RPL29: variants seen among roughly 807,000 people sequenced by gnomAD.
RPL29 encodes the protein ribosomal protein L29, also known as large ribosomal subunit protein eL29.
RPL29 carries 4 observed loss-of-function variants against 7.2 expected under a neutral mutation model. That is an observed-to-expected ratio of 0.55 (90% CI 0.27 to 1.26). The LOEUF (loss-of-function observed/expected upper bound fraction) is 1.26. Among genes scored for constraint, RPL29 ranks in the 50% most tolerant of loss-of-function variants. RPL29 has a pLI of 0.11. For missense variants in RPL29, 148 were observed against 209.1 expected (o/e 0.71, Z 1.80); for synonymous variants, 73 against 72.8 (o/e 1.00, Z -0.01).
chr3:51,995,236 C>T, intron 2 of RPL29, 130 bp from the exon 3 acceptor site: 2 of 991,050 alleles, frequency 2.0e-6, no homozygotes, highest in Non-Finnish European at 3.1e-6. Flanking sequence ...ATGGGAAACC[C>T]TTACTACTAA....
intron 3 of RPL29, 41 bp from the exon 4 acceptor site, chr3:51,994,167 C>G (rs1329856069): frequency 6.5e-7 from 1 of 1,549,874 alleles, no homozygotes. Context: ...ATGTGGGTCC[C>G]CAAGTCTCTC....
Position 51,995,893 on chromosome 3 carries a change from G to A in RPL29, c.-45C>T, listed in dbSNP as rs923370415. ...GCTCCCGAAGCGCCTAGAACCGGAA[G>A]AGAAAGGGGCTGCGGTGCAGCACGG... On this transcript the variant is annotated 5_prime_UTR_variant, in exon 1 of 4. Coordinates refer to ENST00000294189, the MANE Select transcript of RPL29 (RefSeq NM_000992.3). 3 of 203,330 alleles carry A rather than the reference G, an allele frequency of 1.5e-5. No individual in the cohort carries two copies. Among genetic ancestry groups the A allele is most frequent in the East Asian group, 1.4e-4 (1 of 7,338 alleles). 12.6% of individuals were successfully genotyped at this position (203,330 alleles called of 1,614,324 possible). A position where few individuals can be genotyped will look rare whatever the true frequency, so the allele number is the denominator to read the frequency against.
chr3:51,993,745 A>G lies in RPL29; in HGVS notation c.*4T>C, dbSNP rs769577169. The G allele has an allele frequency of 1.3e-6, 2 of 1,579,638 alleles. No homozygotes were observed. Among genetic ancestry groups the G allele is most frequent in the East Asian group, 2.2e-5 (1 of 44,610 alleles). On this transcript the variant is annotated 3_prime_UTR_variant, in exon 4 of 4. Transcript: ENST00000294189. ...TCCTTCTGTCCTCATGTTGGCAGAG[A>G]TATCTACTCTGAAGCCTTTGTAGGG...
intron 3 of RPL29, chr3:51,994,385 G>A: frequency 2.1e-6 from 1 of 468,000 alleles, no homozygotes; most frequent in Non-Finnish European, 3.7e-6. Flanking sequence ...TGCCAAGGTT[G>A]TGGGGCTTCA....
At chr3:51,994,202 AC>A in intron 3 of RPL29, 76 bp from the exon 4 acceptor site, 1 of 1,491,022 alleles carries the variant, frequency 6.7e-7, no homozygotes, top group Non-Finnish European at 8.9e-7. Flanking sequence ...CCATAGGGGT[AC>A]CCAGCATTCT....
Position 51,994,984 on chromosome 3 carries a change from C to A in RPL29, c.102+58G>T, listed in dbSNP as rs1263095958. 4 of 1,437,246 alleles carry A rather than the reference C, an allele frequency of 2.8e-6. No homozygotes were observed. The African/African-American group carries it at 4.2e-5, about 15-fold the overall frequency. The allele number at this position is 1,437,246 out of a possible 1,614,324, so 89.0% of individuals were successfully genotyped here. On this transcript the variant is annotated intron_variant, in intron 3 of 3. Transcript: ENST00000294189. The stretch of plus-strand genomic sequence containing the variant: ...AGCTAGAGAAAAACTACATGAGAGG[C>A]CTTGACTGTGCACCTGGAACCAAGA...
intron 3 of RPL29, chr3:51,994,540 C>CCGTA: frequency 2.9e-6 from 1 of 347,914 alleles, no homozygotes; most frequent in Non-Finnish European, 5.3e-6. Flanking sequence ...GAAACTGAGG[C>CCGTA]TCAGAGTTTG....
chr3:51,995,541 T>C, intron 1 of RPL29, 72 bp from the exon 2 acceptor site: 2 of 1,424,454 alleles, frequency 1.4e-6, no homozygotes, highest in Non-Finnish European at 2.0e-6. Context: ...CCCATTCTGG[T>C]CAGAATGAGC....
In RPL29 at chr3:51,993,978, T is replaced by C. The variant is rs1021014030; in HGVS notation, c.251A>G (p.Lys84Arg). The C allele has an allele frequency of 6.3e-7, 1 of 1,597,384 alleles. No individual in the cohort carries two copies. Among genetic ancestry groups the C allele is most frequent in the Non-Finnish European group, 8.5e-7 (1 of 1,179,786 alleles). The part of the protein sequence containing the change: ...ALVKPKEVKP[K>R]IPKGVSRKLD... The stretch of plus-strand genomic sequence containing the variant: ...CTTGCGGCTGACACCCTTTGGGATC[T>C]TGGGCTTAACCTCCTTGGGCTTTAC... The change falls in exon 4 of 4, where the codon AAG becomes AGG. Residue 84 changes from lysine (K) to arginine (R), a missense_variant. Lys to Arg is a conservative substitution (Grantham distance 26). Coordinates refer to ENST00000294189, the MANE Select transcript of RPL29 (RefSeq NM_000992.3).
rs1246384336 is a variant in RPL29, at chr3:51,993,783, T to C, written c.446A>G (p.Lys149Arg). The C allele has an allele frequency of 3.8e-6, 6 of 1,595,942 alleles. No individual in the cohort carries two copies. The South Asian group carries it at 5.5e-5, about 15-fold the overall frequency. ...AGCCTTTGTAGGGGCCTGGGTACGT[T>C]TGGGAGCCTGAGCTGGAACTGAAGC... ...APASVPAQAP[K>R]RTQAPTKASE is the part of the protein sequence containing the mutation. Residue 149 changes from lysine to arginine, a missense_variant, in exon 4 of 4, where the codon AAA becomes AGA. By Grantham distance (26) the Lys-to-Arg change is conservative (BLOSUM62 2). Coordinates refer to ENST00000294189, the MANE Select transcript of RPL29 (RefSeq NM_000992.3).
Position 51,993,628 on chromosome 3 carries a change from T to G in RPL29, c.*121A>C. The G allele has an allele frequency of 9.3e-7, 1 of 1,077,276 alleles. No homozygotes were observed. The highest frequency in any genetic ancestry group is 1.5e-5 in the South Asian group (1 of 64,640). The allele number at this position is 1,077,276 out of a possible 1,614,324, so 66.7% of individuals were successfully genotyped here. ...AGGATCATAGACAGAGGCTAACAAATCCTGCCTCAGGTTTATTTGTACAAA... is the reference window on the plus strand; with the variant it reads ...AGGATCATAGACAGAGGCTAACAAAGCCTGCCTCAGGTTTATTTGTACAAA... On this transcript the variant is annotated 3_prime_UTR_variant, in exon 4 of 4. Transcript: ENST00000294189.
Position 51,995,857 on chromosome 3 carries a change from C to T in RPL29, c.-9G>A, listed in dbSNP as rs1347176141. 4 of 248,806 alleles carry T rather than the reference C, an allele frequency of 1.6e-5. No individual in the cohort carries two copies. Among genetic ancestry groups the T allele is most frequent in the Non-Finnish European group, 2.4e-5 (3 of 125,790 alleles). The allele number at this position is 248,806 out of a possible 1,614,324, so 15.4% of individuals were successfully genotyped here. A position where few individuals can be genotyped will look rare whatever the true frequency, so the allele number is the denominator to read the frequency against. ...CGGATGCCGCGCGGCCAACACTCAC[C>T]ATAAGCCGCGGCTCCCGAAGCGCCT... On this transcript the variant is annotated splice_region_variant and 5_prime_UTR_variant, in exon 1 of 4. The change abolishes an upstream ATG in the 5' untranslated region. Transcript: ENST00000294189.
intron 2 of RPL29, 60 bp downstream of exon 2, chr3:51,995,365 A>C: frequency 6.4e-7 from 1 of 1,569,248 alleles, no homozygotes; most frequent in Non-Finnish European, 8.8e-7. Flanking sequence ...TCTCTGTCCC[A>C]GTTTGCCTGA....
intron 3 of RPL29, 190 bp from the exon 4 acceptor site, chr3:51,994,316 G>C (rs1701288087): frequency 4.4e-6 from 3 of 682,912 alleles, no homozygotes; most frequent in African/African-American, 1.8e-5. Flanking sequence ...ACGCCACCTG[G>C]GTAATGCTGT....
intron 2 of RPL29, 38 bp from the exon 3 acceptor site, chr3:51,995,144 C>A (rs373799953): frequency 6.4e-7 from 1 of 1,568,652 alleles, no homozygotes; most frequent in African/African-American, 1.4e-5. Context: ...CAACAAAGAA[C>A]TTTCCTCTAA....
At chr3:51,995,527 C>A (rs554746422) in intron 1 of RPL29, 58 bp from the exon 2 acceptor site, 48 of 1,530,334 alleles carry the variant, frequency 3.1e-5, no homozygotes, top group Admixed American at 3.0e-4. Context: ...CCACCTCTGC[C>A]CCCCCCATTC....
intron 1 of RPL29, 111 bp from the exon 2 acceptor site, chr3:51,995,580 G>C (rs1425949371): frequency 9.5e-7 from 1 of 1,052,734 alleles, no homozygotes; most frequent in African/African-American, 1.6e-5. Context: ...CAGCCTCCAC[G>C]AGTCTCGGCT....
In RPL29 at chr3:51,995,839, C is replaced by T. The variant is rs1050895313; in HGVS notation, c.-9+18G>A. ...GTAAGTCGCGGATGGCATCGGATGC[C>T]GCGCGGCCAACACTCACCATAAGCC... On this transcript the variant is annotated intron_variant, in intron 1 of 3. Coordinates refer to ENST00000294189, the MANE Select transcript of RPL29 (RefSeq NM_000992.3). The T allele has an allele frequency of 1.0e-5, 3 of 295,888 alleles. No homozygotes were observed. Among genetic ancestry groups the T allele is most frequent in the African/African-American group, 6.5e-5 (3 of 45,802 alleles). 18.3% of individuals were successfully genotyped at this position (295,888 alleles called of 1,614,324 possible). A position where few individuals can be genotyped will look rare whatever the true frequency, so the allele number is the denominator to read the frequency against.
chr3:51,993,986 AACCTCCTTGGGCTTT>A lies in RPL29; in HGVS notation c.228_242del (p.Glu80_Lys84del). The A allele has an allele frequency of 6.3e-7, 1 of 1,597,754 alleles. No homozygotes were observed. Among genetic ancestry groups the A allele is most frequent in the East Asian group, 2.2e-5 (1 of 44,884 alleles). ...TGACACCCTTTGGGATCTTGGGCTT[AACCTCCTTGGGCTTT>A]ACGAGGGCCTTGATAGCCTCGGCAC... On this transcript the variant is annotated inframe_deletion, in exon 4 of 4. Coordinates refer to ENST00000294189, the MANE Select transcript of RPL29 (RefSeq NM_000992.3).
Sources: gnomAD v4.1 joint callset for allele counts on GRCh38, gnomAD v4.1.1 for gene constraint, MANE v1.5 for transcripts, NCBI Gene and HGNC (gene_info 2026-07-23, HGNC 2026-07-21) for gene names.